Variants in FSD2 observed in about 807,000 individuals in gnomAD.
FSD2 encodes the protein fibronectin type III and SPRY domain-containing protein 2.
FSD2 carries 71 observed loss-of-function variants against 80.4 expected under a neutral mutation model. The ratio of observed to expected loss-of-function variants is 0.88; its 90% CI spans 0.73 to 1.08. The LOEUF (loss-of-function observed/expected upper bound fraction) is 1.08, where lower values mean the gene tolerates loss of function less well. Among genes scored for constraint, FSD2 ranks in the 50% least tolerant of loss-of-function variants. The probability of loss-of-function intolerance (pLI) is 0.00; values close to 1 mark genes in which losing one functional copy is unlikely to be tolerated. For missense variants in FSD2, 923 were observed against 913.8 expected (o/e 1.01, Z -0.13); for synonymous variants, 361 against 329.5 (o/e 1.10, Z -1.03).
Position 82,769,885 on chromosome 15 carries a change from CTG to C in FSD2, c.1268-3_1268-2del. 1.2e-6 allele frequency: 2 copies of C among 1,611,880 alleles called. No individual in the cohort carries two copies. Among genetic ancestry groups the C allele is most frequent in the East Asian group, 4.5e-5 (2 of 44,856 alleles). ...GTTTCTTTGACAGTCACTGTAAACT[CTG>C]GGGAAAAAAAAAGATAAGAATTCAA... On this transcript the variant is annotated splice_acceptor_variant and splice_polypyrimidine_tract_variant and intron_variant, in intron 7 of 12. Transcript: ENST00000334574. LOFTEE classifies it high-confidence loss of function.
At chr15:82,766,098 C>G (rs555312122) in intron 9 of FSD2, 67 bp from the exon 10 acceptor site, 27 of 1,475,514 alleles carry the variant, frequency 1.8e-5, no homozygotes, top group Non-Finnish European at 4.5e-6. Flanking sequence ...ACCAGGCATC[C>G]CTTTCAAAGC....
At chr15:82,769,526 G>A (rs2049509312) in intron 8 of FSD2, among the ~76,000 whole-genome samples, 1 of 151,260 alleles carries the variant, frequency 6.6e-6, no homozygotes, top group African/African-American at 2.4e-5. Context: ...AGTGAGCAGA[G>A]ATCTTGCCAC....
chr15:82,793,325 GTTT>G (rs540563518), intron 1 of FSD2, among the ~76,000 whole-genome samples: 7 of 143,926 alleles, frequency 4.9e-5, no homozygotes, highest in Non-Finnish European at 4.6e-5. Flanking sequence ...GGTTTTTTGT[GTTT>G]TTTTTTTTCA....
intron 1 of FSD2, among the ~76,000 whole-genome samples, chr15:82,787,723 A>G (rs190594086): frequency 0.032 from 4,872 of 152,162 alleles, 249 homozygotes; most frequent in African/African-American, 0.11. Flanking sequence ...CATACATTAA[A>G]AAAAAAACTT....
Position 82,762,243 on chromosome 15 carries a change from C to T in FSD2, c.1856G>A (p.Arg619Gln), listed in dbSNP as rs780416267. The change falls in exon 12 of 13, where the codon CGA becomes CAA. Residue 619 changes from arginine (R) to glutamine (Q), a missense_variant. By Grantham distance (43) the Arg-to-Gln change is conservative. Transcript: ENST00000334574. ...CTCCACCTCCCAGTAATGGTGCCCT[C>T]GGACTGGAATTAGATTTCCCATGAC... Reference protein sequence around the residue: ...VAVMGNLIPVRGHHYWEVEVD... With the variant: ...VAVMGNLIPVQGHHYWEVEVD... 13 of 1,613,810 alleles carry T rather than the reference C, an allele frequency of 8.1e-6. No individual in the cohort carries two copies. The highest frequency in any genetic ancestry group is 2.7e-5 in the African/African-American group (2 of 74,922).
intron 1 of FSD2, among the ~76,000 whole-genome samples, chr15:82,802,634 C>A (rs565428989): frequency 2.0e-4 from 30 of 152,194 alleles, no homozygotes; most frequent in African/African-American, 7.0e-4. Context: ...GGAAATAGAA[C>A]CTGAGAGGAT....
Position 82,759,232 on chromosome 15 carries a change from T to A in FSD2, c.*116A>T. ...CTAGCACACCAGTCAGATAATAGCA[T>A]GAGCCATAAATTGTGCTGGGCACAT... is the stretch of plus-strand genomic sequence containing the variant. On this transcript the variant is annotated 3_prime_UTR_variant, in exon 13 of 13. Coordinates refer to ENST00000334574, the MANE Select transcript of FSD2 (RefSeq NM_001007122.4). 1 of 1,120,230 alleles carries A rather than the reference T, an allele frequency of 8.9e-7. No individual in the cohort carries two copies. Among genetic ancestry groups the A allele is most frequent in the Middle Eastern group, 2.5e-4 (1 of 3,972 alleles). 69.4% of individuals were successfully genotyped at this position (1,120,230 alleles called of 1,614,324 possible).
intron 6 of FSD2, 124 bp from the exon 7 acceptor site, chr15:82,772,352 C>G: frequency 1.0e-6 from 1 of 961,176 alleles, no homozygotes; most frequent in Non-Finnish European, 1.5e-6. Flanking sequence ...AAGAGAAAGT[C>G]CAGAGTAGAC....
rs1213886868 is a variant in FSD2 at position 82,756,258 on chromosome 15, G to T, written c.*3090C>A. ...ACTTTTCTTATAGTGCAGTCTGGTAGCTGAACCGCCTTGCATCAAGACCAA... is the reference window on the plus strand; with the variant it reads ...ACTTTTCTTATAGTGCAGTCTGGTATCTGAACCGCCTTGCATCAAGACCAA... On this transcript the variant is annotated 3_prime_UTR_variant, in exon 13 of 13. Transcript: ENST00000334574. 4.4e-6 allele frequency: 1 copy of T among 225,694 alleles called. No homozygotes were observed. Among genetic ancestry groups the T allele is most frequent in the Non-Finnish European group, 9.2e-6 (1 of 108,182 alleles). 14.0% of individuals were successfully genotyped at this position (225,694 alleles called of 1,614,324 possible). A position where few individuals can be genotyped will look rare whatever the true frequency, so the allele number is the denominator to read the frequency against.
chr15:82,780,074 C>T (rs908705753), intron 5 of FSD2, among the ~76,000 whole-genome samples, 171 bp downstream of exon 5: 2 of 152,006 alleles, frequency 1.3e-5, no homozygotes, highest in Admixed American at 1.3e-4. Context: ...AGATTCAATA[C>T]TAGATGCTCC....
intron 6 of FSD2, among the ~76,000 whole-genome samples, chr15:82,777,144 C>T (rs2049731696): frequency 6.6e-6 from 1 of 152,182 alleles, no homozygotes; most frequent in Non-Finnish European, 1.5e-5. Flanking sequence ...AGGTGAATAG[C>T]TTCTTGACAT....
rs1232524926 is a variant in FSD2, at chr15:82,755,769, G to C, written c.*3579C>G. 4.4e-6 allele frequency: 1 copy of C among 225,066 alleles called. No homozygotes were observed. Among genetic ancestry groups the C allele is most frequent in the Non-Finnish European group, 9.3e-6 (1 of 107,686 alleles). 13.9% of individuals were successfully genotyped at this position (225,066 alleles called of 1,614,324 possible). A position where few individuals can be genotyped will look rare whatever the true frequency, so the allele number is the denominator to read the frequency against. On this transcript the variant is annotated 3_prime_UTR_variant, in exon 13 of 13. Transcript: ENST00000334574. ...ACAGAAAAGATGCTGACCAGCTGGG[G>C]TCTTCTTTCCAAATAACTTTTCTCT...
intron 11 of FSD2, among the ~76,000 whole-genome samples, chr15:82,763,425 G>C (rs1012834261): frequency 6.6e-6 from 1 of 152,116 alleles, no homozygotes; most frequent in Non-Finnish European, 1.5e-5. Context: ...ATTCTCATCC[G>C]TCAACTGGGA....
In FSD2 at chr15:82,756,085, C is replaced by G. The variant is rs2049170384; in HGVS notation, c.*3263G>C. ...CTACCAACAGCAATTACACGCTTTC[C>G]ATTGTCTTCCTATAGAAAATAGGAG... On this transcript the variant is annotated 3_prime_UTR_variant, in exon 13 of 13. Transcript: ENST00000334574. The G allele has an allele frequency of 2.2e-6, 1 of 461,822 alleles. No homozygotes were observed. Among genetic ancestry groups the G allele is most frequent in the Non-Finnish European group, 4.4e-6 (1 of 226,014 alleles). 28.6% of individuals were successfully genotyped at this position (461,822 alleles called of 1,614,324 possible).
chr15:82,759,329 A>G lies in FSD2; in HGVS notation c.*19T>C. 1 of 1,609,868 alleles carries G rather than the reference A, an allele frequency of 6.2e-7. No homozygotes were observed. The highest frequency in any genetic ancestry group is 1.1e-5 in the South Asian group (1 of 90,470). ...AGAGGGGTAGGCATGGAAGACAGGA[A>G]ACTGGACATCAGAATGTTCTAATAG... is the stretch of plus-strand genomic sequence containing the variant. On this transcript the variant is annotated 3_prime_UTR_variant, in exon 13 of 13. Coordinates refer to ENST00000334574, the MANE Select transcript of FSD2 (RefSeq NM_001007122.4).
chr15:82,798,164 C>T (rs573056059), intron 1 of FSD2, among the ~76,000 whole-genome samples: 1 of 151,952 alleles, frequency 6.6e-6, no homozygotes, highest in East Asian at 1.9e-4. Context: ...CAAAAAGAAA[C>T]CTCACCTCTA....
chr15:82,788,102 G>T (rs1307913193), intron 1 of FSD2, among the ~76,000 whole-genome samples: 6 of 152,060 alleles, frequency 3.9e-5, no homozygotes, highest in African/African-American at 1.4e-4. Flanking sequence ...TTGAAAAAGT[G>T]GCATCTCAAT....
chr15:82,804,260 A>G (rs1243157759), intron 1 of FSD2, among the ~76,000 whole-genome samples: 1 of 152,102 alleles, frequency 6.6e-6, no homozygotes, highest in African/African-American at 2.4e-5. Flanking sequence ...CTATGAGATC[A>G]TTCCTCTCCC....
chr15:82,797,230 TC>T (rs1452495953), intron 1 of FSD2, among the ~76,000 whole-genome samples: 1 of 152,216 alleles, frequency 6.6e-6, no homozygotes, highest in Non-Finnish European at 1.5e-5. Context: ...AAATAATTTT[TC>T]ATGATAGATC....
Sources: allele counts gnomAD v4.1 joint callset (sites outside exome capture counted in the v4.1 genomes callset), GRCh38; gene constraint gnomAD v4.1.1; transcripts MANE v1.5; gene names NCBI Gene and HGNC (gene_info 2026-07-23, HGNC 2026-07-21).